The following GALNT16 variants were observed in gnomAD, a reference collection of about 807,000 sequenced individuals.
The protein encoded by GALNT16 is polypeptide N-acetylgalactosaminyltransferase 16.
In GALNT16, 40 loss-of-function variants were observed where a neutral mutation model predicts 76.1. That is an observed-to-expected ratio of 0.53 (90% CI 0.41 to 0.68). The LOEUF (loss-of-function observed/expected upper bound fraction) is 0.68, where lower values mean the gene tolerates loss of function less well. Among genes scored for constraint, GALNT16 ranks in the 30% least tolerant of loss-of-function variants. The pLI, the probability that GALNT16 is intolerant of heterozygous loss-of-function variation, is 0.00. For synonymous variants in GALNT16, 276 were observed against 285.2 expected (o/e 0.97, Z 0.32); for missense variants, 621 against 731.9 (o/e 0.85, Z 1.75).
chr14:69,295,929 T>C (rs1458309603), intron 1 of GALNT16, among the ~76,000 whole-genome samples: 1 of 152,188 alleles, frequency 6.6e-6, no homozygotes, highest in Admixed American at 6.5e-5. Context: ...AACCACCGTT[T>C]TGTTCATGGA....
At chr14:69,318,155 C>T (rs2140159484) in intron 1 of GALNT16, among the ~76,000 whole-genome samples, 1 of 152,350 alleles carries the variant, frequency 6.6e-6, no homozygotes, top group South Asian at 2.1e-4. Context: ...ACACCTGTCT[C>T]ACAGGTGAAG....
intron 1 of GALNT16, among the ~76,000 whole-genome samples, chr14:69,282,032 AGAGAAACTAT>A (rs1196001540): frequency 6.6e-6 from 1 of 152,230 alleles, no homozygotes; most frequent in Non-Finnish European, 1.5e-5. Context: ...GGTTTGTCCC[AGAGAAACTAT>A]GAGAAACGTC....
downstream of GALNT16, chr14:69,359,236 G>C (rs576522933): frequency 6.6e-6 from 1 of 152,202 alleles, no homozygotes. Flanking sequence ...CACTGCTACA[G>C]CACAGAACCT....
At chr14:69,359,756 G>C (rs923506618), downstream of GALNT16, among the ~76,000 whole-genome samples, 2 of 152,170 alleles carry the variant, frequency 1.3e-5, no homozygotes, top group Non-Finnish European at 2.9e-5. Flanking sequence ...GGCCAGACGC[G>C]GTGGCTCACG....
intron 1 of GALNT16, among the ~76,000 whole-genome samples, chr14:69,288,359 G>C (rs377350211): frequency 5.9e-5 from 9 of 152,212 alleles, no homozygotes; most frequent in African/African-American, 1.9e-4. Flanking sequence ...CAAACCAGAA[G>C]GCAGTTGGAA....
chr14:69,344,795 T>C (rs1025184100), intron 12 of GALNT16, among the ~76,000 whole-genome samples: 2 of 152,198 alleles, frequency 1.3e-5, no homozygotes, highest in Non-Finnish European at 2.9e-5. Flanking sequence ...TCGTGCTGTA[T>C]TCCCCCTGTG....
At chr14:69,326,095 T>C (rs952029385) in intron 5 of GALNT16, 68 bp downstream of exon 5, 2 of 1,195,560 alleles carry the variant, frequency 1.7e-6, no homozygotes, top group South Asian at 1.2e-5. Flanking sequence ...TTCCCCACTC[T>C]CTCTTGGTGC....
chr14:69,269,213 G>C (rs530649570), intron 1 of GALNT16, among the ~76,000 whole-genome samples: 8 of 152,114 alleles, frequency 5.3e-5, no homozygotes, highest in Non-Finnish European at 1.2e-4. Context: ...AGGTTCGTTG[G>C]AAAATGTTCT....
At position 69,338,558 on chromosome 14, in the gene GALNT16, A is replaced by G. The variant is rs1172200004; in HGVS notation, c.968-93A>G. ...AGCCCCGACCCCAACATGTACCTCCAGTGAGACACCAAAGGGAAGGGAAGC... is the reference window on the plus strand; with the variant it reads ...AGCCCCGACCCCAACATGTACCTCCGGTGAGACACCAAAGGGAAGGGAAGC... On this transcript the variant is annotated intron_variant, in intron 9 of 14. Transcript: ENST00000448469. 5 of 1,552,800 alleles carry G rather than the reference A, an allele frequency of 3.2e-6. No homozygotes were observed. In the African/African-American group the frequency reaches 5.4e-5, roughly 17 times the overall value.
chr14:69,281,708 G>C (rs1281479548), intron 1 of GALNT16, among the ~76,000 whole-genome samples: 2 of 152,154 alleles, frequency 1.3e-5, no homozygotes, highest in Non-Finnish European at 2.9e-5. Flanking sequence ...GCTTGTTAAA[G>C]AACTCTGACG....
chr14:69,276,584 G>A (rs1396676011), intron 1 of GALNT16, among the ~76,000 whole-genome samples: 2 of 152,016 alleles, frequency 1.3e-5, no homozygotes, highest in East Asian at 3.9e-4. Context: ...AGGAGGCTGA[G>A]GCAGGAGAAT....
chr14:69,368,238 G>A, the GALNT16 span, among the ~76,000 whole-genome samples: 687 of 152,184 alleles, frequency 4.5e-3, 3 homozygotes, highest in Non-Finnish European at 7.7e-3. Flanking sequence ...ACCTATTGCC[G>A]TGTAAAAAAT....
At chr14:69,260,981 C>G (rs1267730851) in intron 1 of GALNT16, among the ~76,000 whole-genome samples, 2 of 152,176 alleles carry the variant, frequency 1.3e-5, no homozygotes, top group Non-Finnish European at 2.9e-5. Flanking sequence ...TTCGAACCCC[C>G]TTCTGAGCCG....
In GALNT16 at chr14:69,338,640, AT is replaced by A; in HGVS notation, c.968-8del. The A allele has an allele frequency of 6.2e-7, 1 of 1,610,760 alleles. No homozygotes were observed. Among genetic ancestry groups the A allele is most frequent in the South Asian group, 1.1e-5 (1 of 90,780 alleles). ...CCCCTTCCTCCTCCTGACGGCTACT[AT>A]TTCCTGCAGAGCTCTCCTTCAGGGT... On this transcript the variant is annotated splice_polypyrimidine_tract_variant and intron_variant, in intron 9 of 14. Coordinates refer to ENST00000448469, the MANE Select transcript of GALNT16 (RefSeq NM_001168368.2).
intron 9 of GALNT16, among the ~76,000 whole-genome samples, chr14:69,334,375 T>C (rs903667873): frequency 2.0e-5 from 3 of 152,212 alleles, no homozygotes; most frequent in Non-Finnish European, 4.4e-5. Context: ...CTCCAGTATG[T>C]GTGGGCTGGC....
intron 1 of GALNT16, among the ~76,000 whole-genome samples, chr14:69,312,537 CTT>C (rs1178794588): frequency 3.3e-5 from 5 of 152,206 alleles, no homozygotes; most frequent in African/African-American, 1.2e-4. Flanking sequence ...GCAAGAATGA[CTT>C]TGTCTCCCGT....
rs146506053 is a variant in GALNT16, at chr14:69,338,665, G to T, written c.982G>T (p.Val328Leu). Residue 328 changes from valine to leucine, a missense_variant, in exon 10 of 15, where the codon GTG becomes TTG. Physicochemically the swap from Val to Leu is conservative, Grantham distance 32. Transcript: ENST00000448469. ...ATTTCCTGCAGAGCTCTCCTTCAGG[G>T]TGTGGATGTGTGGTGGCAGTCTGGA... ...GGENFELSFR[V>L]WMCGGSLEIV... is the part of the protein sequence containing the mutation. 89 of 1,613,848 alleles carry T rather than the reference G, an allele frequency of 5.5e-5. No individual in the cohort carries two copies. The highest frequency in any genetic ancestry group is 7.2e-5 in the Non-Finnish European group (85 of 1,179,934).
the GALNT16 span, among the ~76,000 whole-genome samples, chr14:69,382,839 G>A: frequency 1.3e-5 from 2 of 151,256 alleles, no homozygotes; most frequent in South Asian, 4.2e-4. Flanking sequence ...GGAAAGCTGT[G>A]TGTCGATGGC....
At chr14:69,297,186 C>A (rs930269453) in intron 1 of GALNT16, among the ~76,000 whole-genome samples, 3 of 152,164 alleles carry the variant, frequency 2.0e-5, no homozygotes, top group Non-Finnish European at 4.4e-5. Context: ...GAGAGTATGT[C>A]CATTTGTAGC....
Sources: allele counts gnomAD v4.1 joint callset (sites outside exome capture counted in the v4.1 genomes callset), GRCh38; gene constraint gnomAD v4.1.1; transcripts MANE v1.5; gene names NCBI Gene and HGNC (gene_info 2026-07-23, HGNC 2026-07-21).